Variants in RAPGEF6 observed in about 807,000 individuals in gnomAD.
The protein encoded by RAPGEF6 is Rap guanine nucleotide exchange factor 6.
Under a neutral mutation model 171.4 loss-of-function variants are expected in RAPGEF6, and 56 were observed. The observed-to-expected ratio is 0.33, with a 90% confidence interval of 0.26 to 0.41. The LOEUF (loss-of-function observed/expected upper bound fraction) is 0.41. Among genes scored for constraint, RAPGEF6 ranks in the 10% least tolerant of loss-of-function variants. The probability of loss-of-function intolerance (pLI) is 1.00; values close to 1 mark genes in which losing one functional copy is unlikely to be tolerated. For synonymous variants in RAPGEF6, 692 were observed against 650.1 expected, an observed-to-expected ratio of 1.06 and a Z score of -0.98; for missense variants, 1,674 against 1,921.4, an observed-to-expected ratio of 0.87 and a Z score of 2.41.
intron 6 of RAPGEF6, among the ~76,000 whole-genome samples, chr5:131,525,001 C>A (rs140711258): frequency 6.6e-6 from 1 of 152,014 alleles, no homozygotes; most frequent in Non-Finnish European, 1.5e-5. Flanking sequence ...TAAATACATG[C>A]AATTATTATT....
chr5:131,627,557 A>G (rs1580702247), intron 1 of RAPGEF6, among the ~76,000 whole-genome samples: 2 of 152,238 alleles, frequency 1.3e-5, no homozygotes, highest in African/African-American at 4.8e-5. Flanking sequence ...GAAGTAAAAA[A>G]AGGAACGTTA....
At chr5:131,617,868 A>C (rs922993863) in intron 1 of RAPGEF6, among the ~76,000 whole-genome samples, 2 of 152,278 alleles carry the variant, frequency 1.3e-5, no homozygotes, top group African/African-American at 4.8e-5. Context: ...ACAATATGCC[A>C]AAGTTAATAC....
At chr5:131,552,721 A>C (rs544013693) in intron 5 of RAPGEF6, among the ~76,000 whole-genome samples, 2 of 152,124 alleles carry the variant, frequency 1.3e-5, no homozygotes, top group Admixed American at 1.3e-4. Context: ...TCAGCCTCTC[A>C]AAGTGCTCAC....
intron 4 of RAPGEF6, among the ~76,000 whole-genome samples, chr5:131,575,500 T>C (rs1762552119): frequency 6.6e-6 from 1 of 152,196 alleles, no homozygotes. Context: ...CTCCCTGCTG[T>C]GTCCAGCTAA....
chr5:131,502,405 G>A (rs1489337108), intron 11 of RAPGEF6, among the ~76,000 whole-genome samples: 1 of 152,182 alleles, frequency 6.6e-6, no homozygotes, highest in Non-Finnish European at 1.5e-5. Flanking sequence ...GTTACAAAGG[G>A]TAAAATGATG....
At chr5:131,601,657 C>CA (rs1764264147) in intron 3 of RAPGEF6, among the ~76,000 whole-genome samples, 1 of 152,046 alleles carries the variant, frequency 6.6e-6, no homozygotes, top group African/African-American at 2.4e-5. Context: ...TCAAAATAAG[C>CA]AAACAATAAA....
chr5:131,506,911 A>G (rs1580935469), intron 9 of RAPGEF6, among the ~76,000 whole-genome samples: 1 of 151,884 alleles, frequency 6.6e-6, no homozygotes, highest in African/African-American at 2.4e-5. Context: ...AAAAAAATTA[A>G]TACTATATTC....
In RAPGEF6 at chr5:131,464,079, C is replaced by A; in HGVS notation, c.2442G>T (p.Gln814His). 6.2e-7 allele frequency: 1 copy of A among 1,609,026 alleles called. No individual in the cohort carries two copies. Among genetic ancestry groups the A allele is most frequent in the Non-Finnish European group, 8.5e-7 (1 of 1,177,046 alleles). The change falls in exon 18 of 28, where the codon CAG becomes CAT. Residue 814 changes from glutamine to histidine, a missense_variant. Gln to His is a conservative substitution (Grantham distance 24). Around this residue, in one of 3 missense-constraint regions of RAPGEF6, gnomAD observed 1,116 missense variants for 1,321.5 expected, o/e 0.84. Coordinates refer to ENST00000509018, the MANE Select transcript of RAPGEF6 (RefSeq NM_016340.6). ...GAATTCTATCAGCTAATTTGGAGAA[C>A]TGATCTGGAAGTCTTCTCTGTTTTA... ...GVIKQRRLPDQFSKLADRIQL... is the reference protein window; with the variant it reads ...GVIKQRRLPDHFSKLADRIQL...
intron 15 of RAPGEF6, among the ~76,000 whole-genome samples, chr5:131,488,325 A>T (rs1756060603): frequency 3.3e-5 from 5 of 152,214 alleles, no homozygotes. Context: ...GACGGGTACA[A>T]AAGGTTTAAA....
At chr5:131,489,274 C>T (rs1756125230) in intron 15 of RAPGEF6, among the ~76,000 whole-genome samples, 1 of 152,154 alleles carries the variant, frequency 6.6e-6, no homozygotes, top group Non-Finnish European at 1.5e-5. Flanking sequence ...ATCCCTCCAG[C>T]AGAGTACATA....
chr5:131,528,308 T>TTC (rs1554079148), intron 6 of RAPGEF6, among the ~76,000 whole-genome samples: 1 of 104,520 alleles, frequency 9.6e-6, no homozygotes, highest in Non-Finnish European at 1.7e-5. Context: ...AATAATATAT[T>TTC]TATATTATAT....
At chr5:131,490,241 T>G (rs181445929) in intron 14 of RAPGEF6, among the ~76,000 whole-genome samples, 12 of 152,210 alleles carry the variant, frequency 7.9e-5, no homozygotes, top group African/African-American at 2.6e-4. Flanking sequence ...CAAGAAGTAC[T>G]GATTCTAAGG....
intron 7 of RAPGEF6, among the ~76,000 whole-genome samples, chr5:131,516,354 T>G (rs1429959398): frequency 6.6e-6 from 1 of 152,126 alleles, no homozygotes; most frequent in Non-Finnish European, 1.5e-5. Flanking sequence ...ATGATATTCT[T>G]AACAGAAATA....
At chr5:131,484,667 A>G (rs1374601785) in intron 15 of RAPGEF6, among the ~76,000 whole-genome samples, 1 of 152,194 alleles carries the variant, frequency 6.6e-6, no homozygotes, top group East Asian at 1.9e-4. Flanking sequence ...AATTTTTATT[A>G]TATCTCTGTT....
chr5:131,453,262 C>A, intron 20 of RAPGEF6, 85 bp from the exon 21 acceptor site: 1 of 1,472,672 alleles, frequency 6.8e-7, no homozygotes, highest in Non-Finnish European at 9.0e-7. Context: ...TCTTGAGGGG[C>A]ACAAAGAAGG....
At chr5:131,510,587 A>G in intron 7 of RAPGEF6, 96 bp from the exon 8 acceptor site, 2 of 1,197,622 alleles carry the variant, frequency 1.7e-6, no homozygotes, top group South Asian at 3.1e-5. Context: ...TACAAAATAT[A>G]AAAGACTTGG....
At chr5:131,477,702 A>G (rs1355369594) in intron 16 of RAPGEF6, among the ~76,000 whole-genome samples, 3 of 152,130 alleles carry the variant, frequency 2.0e-5, no homozygotes, top group Non-Finnish European at 4.4e-5. Flanking sequence ...AGTTGAAGAG[A>G]GTTGTAATTA....
intron 16 of RAPGEF6, among the ~76,000 whole-genome samples, chr5:131,479,169 A>T (rs1009027472): frequency 4.8e-5 from 7 of 145,180 alleles, no homozygotes; most frequent in Non-Finnish European, 7.6e-5. Flanking sequence ...AAAAATGATT[A>T]AAAAAAAAAA....
At position 131,461,876 on chromosome 5, in the gene RAPGEF6, G is replaced by A; in HGVS notation, c.2693C>T (p.Thr898Ile). 3 of 1,614,092 alleles carry A rather than the reference G, an allele frequency of 1.9e-6. No homozygotes were observed. The highest frequency in any genetic ancestry group is 2.5e-6 in the Non-Finnish European group (3 of 1,179,992). Residue 898 changes from threonine to isoleucine, a missense_variant, in exon 19 of 28, where the codon ACT becomes ATT. By Grantham distance (89) the Thr-to-Ile change is moderately conservative. Coordinates refer to ENST00000509018, the MANE Select transcript of RAPGEF6 (RefSeq NM_016340.6). ...LFKLNSKTGN[T>I]HLKRFEDIVN... ...AATGTCCTCAAACCTCTTCAAATGA[G>A]TATTTCCTGTTTTGGAATTTAACTT...
Sources: allele counts gnomAD v4.1 joint callset (sites outside exome capture counted in the v4.1 genomes callset), GRCh38; gene constraint gnomAD v4.1.1; regional missense constraint gnomAD v4.1.1; transcripts MANE v1.5; gene names NCBI Gene and HGNC (gene_info 2026-07-23, HGNC 2026-07-21).